Variants in FER observed in about 807,000 individuals in gnomAD.
The protein encoded by FER is tyrosine-protein kinase Fer.
In FER, 63 loss-of-function variants were observed where a neutral mutation model predicts 111.0. That is an observed-to-expected ratio of 0.57 (90% CI 0.46 to 0.70). FER has a LOEUF of 0.70. FER is among the 30% of genes least tolerant of loss of function. FER has a pLI of 0.00. For missense variants in FER, 914 were observed against 954.0 expected (o/e 0.96, Z 0.55); for synonymous variants, 327 against 313.9 (o/e 1.04, Z -0.44).
chr5:109,003,635 AT>A (rs1263296768), intron 13 of FER, among the ~76,000 whole-genome samples: 1 of 151,994 alleles, frequency 6.6e-6, no homozygotes, highest in Non-Finnish European at 1.5e-5. Flanking sequence ...AATTAAAAAA[AT>A]AAAAATAAAA....
chr5:109,103,598 A>T (rs1046013791), intron 17 of FER, among the ~76,000 whole-genome samples: 1 of 152,172 alleles, frequency 6.6e-6, no homozygotes, highest in Non-Finnish European at 1.5e-5. Flanking sequence ...GGATTGCTGT[A>T]TAGTTGGAAT....
Position 108,775,386 on chromosome 5 carries a change from T to C in FER, c.-60+7148T>C, listed in dbSNP as rs147454192. Among the ~76,000 whole-genome samples, 166 of 152,366 alleles carry C rather than the reference T, an allele frequency of 1.1e-3. 2 individuals are homozygous for C. The East Asian group carries it at 0.028, about 26-fold the overall frequency. ...CAGTAATCTAGATTTTATTCATCTTTGTATCCCTTACGATTATCTGTCACA... is the reference window on the plus strand; with the variant it reads ...CAGTAATCTAGATTTTATTCATCTTCGTATCCCTTACGATTATCTGTCACA... On this transcript the variant is annotated intron_variant, in intron 2 of 19. Coordinates refer to ENST00000281092, the MANE Select transcript of FER (RefSeq NM_005246.4).
chr5:109,185,999 A>G (rs1014662801), intron 18 of FER, among the ~76,000 whole-genome samples: 9 of 152,188 alleles, frequency 5.9e-5, no homozygotes, highest in Non-Finnish European at 1.2e-4. Flanking sequence ...GTGTTATACT[A>G]TGACATTACC....
chr5:108,782,009 T>A (rs1178685557), intron 2 of FER, among the ~76,000 whole-genome samples: 3 of 152,170 alleles, frequency 2.0e-5, no homozygotes, highest in Admixed American at 2.0e-4. Flanking sequence ...GAAGGCTGTC[T>A]TATGACTGAG....
chr5:108,828,890 G>A (rs62363287), intron 3 of FER, among the ~76,000 whole-genome samples: 34,683 of 152,022 alleles, frequency 0.23, 4,143 homozygotes, highest in African/African-American at 0.28. Flanking sequence ...TTGAGGCCAG[G>A]AGTTTGAGAC....
chr5:109,055,244 T>C (rs1480340924), intron 16 of FER, among the ~76,000 whole-genome samples: 3 of 152,278 alleles, frequency 2.0e-5, no homozygotes, highest in South Asian at 2.1e-4. Flanking sequence ...CTCTGGGACA[T>C]TGGCCTTGGT....
chr5:109,096,646 T>A (rs1354142505), intron 16 of FER, among the ~76,000 whole-genome samples: 1 of 147,110 alleles, frequency 6.8e-6, no homozygotes, highest in Non-Finnish European at 1.5e-5. Context: ...TCTTTGCCTC[T>A]CAGTGTTATC....
intron 10 of FER, among the ~76,000 whole-genome samples, chr5:108,918,727 T>G (rs998560633): frequency 3.9e-5 from 6 of 152,056 alleles, no homozygotes; most frequent in Non-Finnish European, 8.8e-5. Flanking sequence ...GACCTCATGA[T>G]CCGCCCGCCT....
At chr5:108,867,463 C>T (rs1228507170) in intron 5 of FER, among the ~76,000 whole-genome samples, 1 of 152,012 alleles carries the variant, frequency 6.6e-6, no homozygotes, top group African/African-American at 2.4e-5. Context: ...ACTGCTGTTT[C>T]AATTTGGTAT....
intron 17 of FER, among the ~76,000 whole-genome samples, chr5:109,152,564 A>G (rs1004819955): frequency 2.6e-5 from 4 of 152,022 alleles, no homozygotes; most frequent in African/African-American, 9.7e-5. Flanking sequence ...GCTGTCAGGA[A>G]AAAGAAAGGT....
intron 13 of FER, among the ~76,000 whole-genome samples, chr5:109,020,972 T>C (rs781715816): frequency 2.0e-5 from 3 of 152,062 alleles, no homozygotes; most frequent in Non-Finnish European, 4.4e-5. Flanking sequence ...GTTGGTATGC[T>C]TGTAACCAGG....
chr5:108,830,984 G>A (rs1399006518), intron 3 of FER, among the ~76,000 whole-genome samples: 2 of 152,154 alleles, frequency 1.3e-5, no homozygotes, highest in Non-Finnish European at 2.9e-5. Flanking sequence ...AGGAGATACT[G>A]AGGACAATAT....
intron 13 of FER, among the ~76,000 whole-genome samples, chr5:109,033,115 T>G (rs1769874614): frequency 6.6e-6 from 1 of 152,186 alleles, no homozygotes; most frequent in Non-Finnish European, 1.5e-5. Flanking sequence ...TATTGATGGT[T>G]TATACTTAAT....
chr5:109,187,081 T>TCTCTTCATCTTGAAAAACA lies in FER; in HGVS notation c.2327-350_2327-332dup, dbSNP rs1491386186. Among the ~76,000 whole-genome samples the TCTCTTCATCTTGAAAAACA allele has an allele frequency of 2.6e-5, 4 of 152,292 alleles. No homozygotes were observed. In the East Asian group the frequency reaches 7.7e-4, roughly 29 times the overall value. The stretch of plus-strand genomic sequence containing the variant: ...ATTCACATTTATAAAATCCTCATCT[T>TCTCTTCATCTTGAAAAACA]CTCTTCATCTTGAAAAACACAGATG... On this transcript the variant is annotated intron_variant, in intron 19 of 19. Transcript: ENST00000281092.
rs59469649 is a variant in FER at position 108,924,360 on chromosome 5, C to CAAAAAAAAAA, written c.1237-21757_1237-21748dup. Among the ~76,000 whole-genome samples, 291 of 99,028 alleles carry CAAAAAAAAAA rather than the reference C, an allele frequency of 2.9e-3. 3 individuals carry two copies. The highest frequency in any genetic ancestry group is 0.01 in the African/African-American group (275 of 26,866). 65.0% of individuals were successfully genotyped at this position (99,028 alleles called of 152,430 possible). ...GGGCGACAAGAGCGAAACTCTGTCTCAAAAAAAAAAAAAAAAAAAAAATCA... is the reference window on the plus strand; with the variant it reads ...GGGCGACAAGAGCGAAACTCTGTCTCAAAAAAAAAAAAAAAAAAAAAAAAAAAAAAAATCA... On this transcript the variant is annotated intron_variant, in intron 10 of 19. Coordinates refer to ENST00000281092, the MANE Select transcript of FER (RefSeq NM_005246.4).
At chr5:109,072,587 G>A (rs768025756) in intron 16 of FER, among the ~76,000 whole-genome samples, 33 of 151,828 alleles carry the variant, frequency 2.2e-4, no homozygotes, top group East Asian at 1.2e-3. Context: ...CCTTTAATCC[G>A]TTTTTTAGTG....
At chr5:108,848,793 T>A (rs1163156092) in intron 5 of FER, among the ~76,000 whole-genome samples, 1 of 152,120 alleles carries the variant, frequency 6.6e-6, no homozygotes, top group Admixed American at 6.5e-5. Flanking sequence ...TGTCTCTATT[T>A]CTATTTGGTA....
At chr5:109,019,456 C>T (rs1389683450) in intron 13 of FER, among the ~76,000 whole-genome samples, 5 of 151,772 alleles carry the variant, frequency 3.3e-5, no homozygotes, top group African/African-American at 1.2e-4. Context: ...ATTATTAGTA[C>T]TGTCAAAGTA....
At chr5:108,913,715 A>C (rs1358121080) in intron 10 of FER, among the ~76,000 whole-genome samples, 2 of 152,232 alleles carry the variant, frequency 1.3e-5, no homozygotes, top group African/African-American at 4.8e-5. Context: ...GAATATTCAC[A>C]GGAGCACAAT....
Sources: gnomAD v4.1 joint callset for allele counts (sites outside exome capture counted in the v4.1 genomes callset) on GRCh38, gnomAD v4.1.1 for gene constraint, MANE v1.5 for transcripts, NCBI Gene and HGNC (gene_info 2026-07-23, HGNC 2026-07-21) for gene names.